CSGALNACT1: variants seen among roughly 807,000 people sequenced by gnomAD.
CSGALNACT1 encodes chondroitin sulfate N-acetylgalactosaminyltransferase 1.
CSGALNACT1 carries 52 observed loss-of-function variants against 51.0 expected under a neutral mutation model. The observed-to-expected ratio is 1.02, with a 90% CI of 0.82 to 1.29. The LOEUF (loss-of-function observed/expected upper bound fraction) is 1.29. Ranked by LOEUF, CSGALNACT1 falls within the 50% of genes most tolerant of loss-of-function variation. CSGALNACT1 has a pLI of 0.00. For missense variants in CSGALNACT1, 935 were observed against 679.2 expected (o/e 1.38, Z -4.19); for synonymous variants, 341 against 254.4 (o/e 1.34, Z -3.24).
At chr8:19,582,588 A>G (rs562660885) in intron 3 of CSGALNACT1, among the ~76,000 whole-genome samples, 30 of 152,334 alleles carry the variant, frequency 2.0e-4, no homozygotes, top group African/African-American at 7.0e-4. Context: ...GTTTAAAGAT[A>G]GACACATGAC....
At chr8:19,440,767 G>A (rs1266774192) in intron 5 of CSGALNACT1, among the ~76,000 whole-genome samples, 2 of 151,866 alleles carry the variant, frequency 1.3e-5, no homozygotes, top group Non-Finnish European at 2.9e-5. Context: ...AGGAAAAGAG[G>A]AAGTCAAATT....
intron 6 of CSGALNACT1, among the ~76,000 whole-genome samples, chr8:19,428,318 G>A (rs2059098238): frequency 1.3e-5 from 2 of 152,146 alleles, no homozygotes; most frequent in South Asian, 2.1e-4. Context: ...CCATGTGGCT[G>A]GGGAGGCCTC....
intron 3 of CSGALNACT1, among the ~76,000 whole-genome samples, chr8:19,522,672 G>C (rs1022674840): frequency 9.9e-5 from 15 of 152,188 alleles, no homozygotes; most frequent in Admixed American, 5.2e-4. Flanking sequence ...GTACACCTTG[G>C]TGAAGTTCTG....
intron 4 of CSGALNACT1, among the ~76,000 whole-genome samples, chr8:19,475,723 C>T (rs1249460293): frequency 2.0e-5 from 3 of 152,164 alleles, no homozygotes; most frequent in South Asian, 4.1e-4. Flanking sequence ...TCCTTTTTCA[C>T]AGAATAATCT....
rs1236939279 is a variant in CSGALNACT1 at position 19,550,007 on chromosome 8, G to C, written c.-297+41153C>G. Among the ~76,000 whole-genome samples, 3 of 152,158 alleles carry C rather than the reference G, an allele frequency of 2.0e-5. No individual in the cohort carries two copies. The East Asian group carries it at 5.8e-4, about 29-fold the overall frequency. ...TTCAGACTTCAATAGATGTGTCCTG[G>C]AGTTGGTCTTTTTTCTTCCATTCAT... On this transcript the variant is annotated intron_variant, in intron 3 of 9. Coordinates refer to ENST00000454498, the Ensembl canonical transcript of CSGALNACT1.
intron 1 of CSGALNACT1, among the ~76,000 whole-genome samples, chr8:19,638,218 C>T (rs1225553952): frequency 6.7e-6 from 1 of 149,532 alleles, no homozygotes; most frequent in Non-Finnish European, 1.5e-5. Context: ...CCCTTCAGGT[C>T]TCAGCTCAAA....
intron 8 of CSGALNACT1, among the ~76,000 whole-genome samples, chr8:19,409,630 G>C (rs2055216691): frequency 2.0e-5 from 3 of 152,136 alleles, no homozygotes; most frequent in African/African-American, 7.2e-5. Context: ...AGTTAACATA[G>C]GTGCTTAGGT....
intron 3 of CSGALNACT1, among the ~76,000 whole-genome samples, chr8:19,557,130 C>T (rs1281110411): frequency 6.6e-6 from 1 of 152,168 alleles, no homozygotes; most frequent in Non-Finnish European, 1.5e-5. Context: ...TTCCCTTGCA[C>T]CCCAGATCCA....
intron 4 of CSGALNACT1, among the ~76,000 whole-genome samples, chr8:19,466,366 CA>C (rs2066676996): frequency 6.6e-6 from 1 of 152,160 alleles, no homozygotes; most frequent in Non-Finnish European, 1.5e-5. Context: ...AAAGAAAAAA[CA>C]CTTCAGCCAT....
chr8:19,479,273 G>A (rs1178802510), intron 4 of CSGALNACT1, among the ~76,000 whole-genome samples: 4 of 152,086 alleles, frequency 2.6e-5, no homozygotes, highest in African/African-American at 4.8e-5. Flanking sequence ...ACATCTCAAC[G>A]GCCACAGCTA....
chr8:19,498,281 A>G (rs2075820091), intron 4 of CSGALNACT1, among the ~76,000 whole-genome samples: 1 of 152,188 alleles, frequency 6.6e-6, no homozygotes, highest in Non-Finnish European at 1.5e-5. Flanking sequence ...ACACATGACC[A>G]GTATCCATAC....
In CSGALNACT1 at chr8:19,408,631, AC is replaced by A. The variant is rs1258789199; in HGVS notation, c.1290del (p.Ser431GlnfsTer6). On this transcript the variant is annotated frameshift_variant, in exon 9 of 10. Transcript: ENST00000454498. LOFTEE classifies it high-confidence loss of function. ...GTCCTACCTATATTGATGAAGTCTG[AC>A]CGATACTGACACGTCATCCCAAATC... The A allele has an allele frequency of 6.2e-7, 1 of 1,613,836 alleles. No homozygotes were observed.
In CSGALNACT1 at chr8:19,630,194, CTGTGTGTGTGTGTGTGTG is replaced by C. The variant is rs55947851; in HGVS notation, c.-543-28347_-543-28330del. 2.1e-3 allele frequency among the ~76,000 whole-genome samples: 286 copies of C among 137,882 alleles called. 1 individual carries two copies. Among genetic ancestry groups the C allele is most frequent in the African/African-American group, 5.4e-3 (198 of 36,890 alleles). The allele number at this position is 137,882 out of a possible 152,430, so 90.5% of individuals were successfully genotyped here. ...ATTAGCCATCCAAGTTCCCACGTCT[CTGTGTGTGTGTGTGTGTG>C]TGTGTGTGTGTGTGTGTGTGTGTGT... On this transcript the variant is annotated intron_variant, in intron 1 of 9. Transcript: ENST00000332246.
chr8:19,464,895 A>G (rs560221511), intron 4 of CSGALNACT1, among the ~76,000 whole-genome samples: 7 of 152,272 alleles, frequency 4.6e-5, no homozygotes, highest in Admixed American at 2.0e-4. Context: ...ACCGGCGGGA[A>G]GCAACATGGT....
chr8:19,726,924 A>G (rs1009261057), intron 1 of CSGALNACT1, among the ~76,000 whole-genome samples: 2 of 152,228 alleles, frequency 1.3e-5, no homozygotes, highest in Admixed American at 1.3e-4. Flanking sequence ...GAACTAAGGC[A>G]GTTCTAGAAG....
At chr8:19,649,136 T>G (rs532326609) in intron 1 of CSGALNACT1, among the ~76,000 whole-genome samples, 1 of 152,244 alleles carries the variant, frequency 6.6e-6, no homozygotes, top group African/African-American at 2.4e-5. Context: ...TTATTTCGTT[T>G]GTTCCTCTCA....
intron 6 of CSGALNACT1, among the ~76,000 whole-genome samples, chr8:19,425,493 G>A (rs774357355): frequency 6.6e-6 from 1 of 152,184 alleles, no homozygotes; most frequent in African/African-American, 2.4e-5. Context: ...CTGAGCATGA[G>A]GCAATGCAGA....
At chr8:19,590,920 G>C (rs538246708) in intron 3 of CSGALNACT1, among the ~76,000 whole-genome samples, 1 of 152,050 alleles carries the variant, frequency 6.6e-6, no homozygotes, top group African/African-American at 2.4e-5. Flanking sequence ...CAAAGTGCTA[G>C]GATTAAAGGT....
At chr8:19,548,789 T>C (rs2087142388) in intron 3 of CSGALNACT1, among the ~76,000 whole-genome samples, 1 of 152,190 alleles carries the variant, frequency 6.6e-6, no homozygotes, top group Non-Finnish European at 1.5e-5. Context: ...AGTATTTATC[T>C]TCATATTTTA....
Sources: allele counts gnomAD v4.1 joint callset (sites outside exome capture counted in the v4.1 genomes callset), GRCh38; gene constraint gnomAD v4.1.1; transcripts MANE v1.5; gene names NCBI Gene and HGNC (gene_info 2026-07-23, HGNC 2026-07-21).